The following USP10 variants were observed in gnomAD, a reference collection of about 807,000 sequenced individuals.
USP10 encodes the protein ubiquitin carboxyl-terminal hydrolase 10.
A neutral mutation model predicts 84.5 loss-of-function variants in USP10; 22 were observed. The ratio of observed to expected loss-of-function variants is 0.26; its 90% CI spans 0.19 to 0.37. The LOEUF is 0.37. Among genes scored for constraint, USP10 ranks in the 10% least tolerant of loss-of-function variants. The pLI is 1.00. For missense variants in USP10, 1,019 were observed against 998.9 expected (o/e 1.02, Z -0.27); for synonymous variants, 454 against 387.6 (o/e 1.17, Z -2.01).
intron 10 of USP10, among the ~76,000 whole-genome samples, chr16:84,767,012 C>T (rs1299407610): frequency 6.6e-6 from 1 of 152,194 alleles, no homozygotes; most frequent in Non-Finnish European, 1.5e-5. Context: ...CTTCTTGATT[C>T]TCCACCAGCT....
chr16:84,719,670 C>G (rs1379186403), intron 1 of USP10, among the ~76,000 whole-genome samples: 1 of 152,184 alleles, frequency 6.6e-6, no homozygotes, highest in Non-Finnish European at 1.5e-5. Context: ...AACATCTCTT[C>G]TAGTGTATGT....
At position 84,744,623 on chromosome 16, in the gene USP10, T is replaced by C; in HGVS notation, c.152-10T>C. 6.3e-7 allele frequency: 1 copy of C among 1,586,090 alleles called. No homozygotes were observed. Among genetic ancestry groups the C allele is most frequent in the South Asian group, 1.1e-5 (1 of 88,774 alleles). On this transcript the variant is annotated splice_polypyrimidine_tract_variant and intron_variant, in intron 3 of 13. Coordinates refer to ENST00000219473, the MANE Select transcript of USP10 (RefSeq NM_005153.3). ...CTGGGTTCTTAACTAATAGTTTTCTTTCTAAACAGGACAAGAATATCAGAG... is the reference window on the plus strand; with the variant it reads ...CTGGGTTCTTAACTAATAGTTTTCTCTCTAAACAGGACAAGAATATCAGAG...
At chr16:84,729,523 A>G (rs922175597) in intron 1 of USP10, among the ~76,000 whole-genome samples, 1 of 152,242 alleles carries the variant, frequency 6.6e-6, no homozygotes, top group Non-Finnish European at 1.5e-5. Flanking sequence ...TTTATCTGCC[A>G]TGAGCATATG....
At chr16:84,709,555 T>C (rs567674104) in intron 1 of USP10, among the ~76,000 whole-genome samples, 3 of 152,220 alleles carry the variant, frequency 2.0e-5, no homozygotes, top group East Asian at 1.9e-4. Flanking sequence ...CAGTGAAGAA[T>C]AGACTCACGG....
At chr16:84,731,156 T>C (rs1909174436) in intron 1 of USP10, among the ~76,000 whole-genome samples, 1 of 151,944 alleles carries the variant, frequency 6.6e-6, no homozygotes, top group South Asian at 2.1e-4. Context: ...ATTTTTTGTA[T>C]TTTTAGTAGA....
intron 1 of USP10, among the ~76,000 whole-genome samples, chr16:84,726,811 G>A (rs367802303): frequency 6.6e-6 from 1 of 152,240 alleles, no homozygotes; most frequent in African/African-American, 2.4e-5. Flanking sequence ...CTTGTACTTT[G>A]CTCCCCCGAA....
At chr16:84,702,426 G>C (rs895041108) in intron 1 of USP10, among the ~76,000 whole-genome samples, 2 of 152,082 alleles carry the variant, frequency 1.3e-5, no homozygotes, top group East Asian at 3.9e-4. Context: ...TGTATGACAG[G>C]ATTTAGTTAC....
At chr16:84,746,198 A>T (rs1911205307) in intron 4 of USP10, among the ~76,000 whole-genome samples, 1 of 152,096 alleles carries the variant, frequency 6.6e-6, no homozygotes, top group African/African-American at 2.4e-5. Context: ...CCCAAAGTTA[A>T]TGTTTTATTT....
At chr16:84,724,680 T>G (rs1468530407) in intron 1 of USP10, among the ~76,000 whole-genome samples, 1 of 152,224 alleles carries the variant, frequency 6.6e-6, no homozygotes, top group Non-Finnish European at 1.5e-5. Flanking sequence ...CAGCTTGCAG[T>G]TGGCTTGCAC....
At chr16:84,707,901 A>G (rs1192258407) in intron 1 of USP10, among the ~76,000 whole-genome samples, 1 of 151,834 alleles carries the variant, frequency 6.6e-6, no homozygotes, top group Non-Finnish European at 1.5e-5. Flanking sequence ...CAACGTAGCA[A>G]AACTCTTTCT....
At position 84,735,196 on chromosome 16, in the gene USP10, G is replaced by GATGTGTGTGT. The variant is rs1555541026; in HGVS notation, c.90+1693_90+1694insATGTGTGTGT. On this transcript the variant is annotated intron_variant, in intron 2 of 13. Coordinates refer to ENST00000219473, the MANE Select transcript of USP10 (RefSeq NM_005153.3). ...CAGGTGTGTGCTGCCAGGCCCGGGT[G>GATGTGTGTGT]GTGTGTGTGTGTGTGTGTGTGTGTG... Among the ~76,000 whole-genome samples the GATGTGTGTGT allele has an allele frequency of 4.6e-3, 666 of 146,366 alleles. 6 individuals are homozygous for GATGTGTGTGT. The highest frequency in any genetic ancestry group is 0.013 in the African/African-American group (514 of 39,388).
In USP10 at chr16:84,755,795, C is replaced by CA. The variant is rs34780846; in HGVS notation, c.1193-2904dup. On this transcript the variant is annotated intron_variant, in intron 4 of 13. Transcript: ENST00000219473. ...CCTGGGCGGCAGAGTGAGACTGTCT[C>CA]AAAAAAAAAAAAAAAAATCAGTCAC... is the stretch of plus-strand genomic sequence containing the variant. 9.8e-3 allele frequency among the ~76,000 whole-genome samples: 1,362 copies of CA among 138,654 alleles called. 13 individuals are homozygous for CA. The highest frequency in any genetic ancestry group is 0.015 in the South Asian group (62 of 4,240). 91.0% of individuals were successfully genotyped at this position (138,654 alleles called of 152,430 possible).
intron 2 of USP10, among the ~76,000 whole-genome samples, chr16:84,735,489 G>A (rs968838495): frequency 4.6e-5 from 7 of 152,060 alleles, no homozygotes; most frequent in African/African-American, 1.2e-4. Flanking sequence ...GTTTGGGCAC[G>A]TTCTTTCCTT....
chr16:84,701,249 T>G (rs1158546580), intron 1 of USP10, among the ~76,000 whole-genome samples: 2 of 152,246 alleles, frequency 1.3e-5, no homozygotes, highest in African/African-American at 2.4e-5. Context: ...GCGAAAACTT[T>G]TTAAAAAATT....
rs72797563 is a variant in USP10 at position 84,703,526 on chromosome 16, A to G, written c.21+3415A>G. 1.9e-3 allele frequency among the ~76,000 whole-genome samples: 285 copies of G among 152,348 alleles called. 2 individuals are homozygous for G. Among genetic ancestry groups the G allele is most frequent in the Non-Finnish European group, 3.1e-3 (208 of 68,030 alleles). On this transcript the variant is annotated intron_variant, in intron 1 of 13. Coordinates refer to ENST00000219473, the MANE Select transcript of USP10 (RefSeq NM_005153.3). ...ACTGTATTGCTGAATATCTGTTTCT[A>G]GCCAACAGCTGGATTAGTGTTAATT...
intron 13 of USP10, 71 bp from the exon 14 acceptor site, chr16:84,778,824 G>A: frequency 6.8e-7 from 1 of 1,463,052 alleles, no homozygotes; most frequent in Non-Finnish European, 9.2e-7. Flanking sequence ...CTGGAGGGAA[G>A]TCGGCGGAGA....
chr16:84,779,005 A>T lies in USP10; in HGVS notation c.2320A>T (p.Asn774Tyr), dbSNP rs1000001568. 6.2e-7 allele frequency: 1 copy of T among 1,613,910 alleles called. No individual in the cohort carries two copies. Among genetic ancestry groups the T allele is most frequent in the African/African-American group, 1.3e-5 (1 of 74,936 alleles). The stretch of plus-strand genomic sequence containing the variant: ...CGATGACCAGACAGTCAAGGTGATC[A>T]ACCAGTACCAGGTGGTGAAACCAAC... ...RIDDQTVKVI[N>Y]QYQVVKPTAE... The change falls in exon 14 of 14, where the codon AAC (asparagine) becomes TAC (tyrosine). Residue 774 changes from asparagine (N) to tyrosine (Y), a missense_variant. Asn to Tyr is a moderately radical substitution (Grantham distance 143, BLOSUM62 -2). Around this residue, in one of 2 missense-constraint regions of USP10, gnomAD observed 232 missense variants for 290.1 expected, o/e 0.80. Transcript: ENST00000219473.
intron 1 of USP10, among the ~76,000 whole-genome samples, chr16:84,706,649 T>G (rs1483872324): frequency 6.6e-6 from 1 of 151,790 alleles, no homozygotes; most frequent in Non-Finnish European, 1.5e-5. Context: ...CACGCCATTC[T>G]CCTGCCTCAG....
chr16:84,736,949 C>G (rs1034391040), intron 2 of USP10, among the ~76,000 whole-genome samples: 1 of 152,178 alleles, frequency 6.6e-6, no homozygotes, highest in African/African-American at 2.4e-5. Flanking sequence ...CCACCTCGCC[C>G]GGCTAATTTT....
Sources: allele counts gnomAD v4.1 joint callset (sites outside exome capture counted in the v4.1 genomes callset), GRCh38; gene constraint gnomAD v4.1.1; regional missense constraint gnomAD v4.1.1; transcripts MANE v1.5; gene names NCBI Gene and HGNC (gene_info 2026-07-23, HGNC 2026-07-21).